NFKBIZ: variants seen among roughly 807,000 people sequenced by gnomAD.
NFKBIZ encodes NFKB inhibitor zeta.
In NFKBIZ, 19 loss-of-function variants were observed where a neutral mutation model predicts 76.8. That is an observed-to-expected ratio of 0.25 (90% CI 0.17 to 0.36). The LOEUF (loss-of-function observed/expected upper bound fraction) is 0.36. NFKBIZ is among the 10% of genes least tolerant of loss of function. The pLI, the probability that NFKBIZ is intolerant of heterozygous loss-of-function variation, is 1.00. For missense variants in NFKBIZ, 829 were observed against 910.9 expected (o/e 0.91, Z 1.16); for synonymous variants, 368 against 354.8 (o/e 1.04, Z -0.42).
At chr3:101,859,145 T>TACTA in intron 11 of NFKBIZ, among the ~76,000 whole-genome samples, 173 bp from the exon 12 acceptor site, 1 of 152,346 alleles carries the variant, frequency 6.6e-6, no homozygotes, top group East Asian at 1.9e-4. Context: ...AGGAGTTTAG[T>TACTA]ATTTTTAAAA....
chr3:101,849,317 G>A (rs1463266098), upstream of NFKBIZ: 1 of 253,674 alleles, frequency 3.9e-6, no homozygotes, highest in African/African-American at 2.2e-5. Context: ...GGTCGGTCTG[G>A]GCGGAGCCGG....
At position 101,854,624 on chromosome 3, in the gene NFKBIZ, G is replaced by A; in HGVS notation, c.1384G>A (p.Val462Ile). Reference protein sequence around the residue: ...VAQGRRALSYVLARKMNALHM... With the variant: ...VAQGRRALSYILARKMNALHM... ...CCAAGGGAGAAGGGCACTTTCCTAT[G>A]TTCTTGCAAGAAAGATGAATGCACT... Residue 462 changes from valine to isoleucine, a missense_variant, in exon 6 of 12, where the codon GTT becomes ATT. Physicochemically the swap from Val to Ile is conservative, Grantham distance 29 (BLOSUM62 3). This residue lies in a region of NFKBIZ where 272 missense variants were observed against 384.2 expected (regional missense o/e 0.71). Coordinates refer to ENST00000326172, the MANE Select transcript of NFKBIZ (RefSeq NM_031419.4). 1 of 1,613,124 alleles carries A rather than the reference G, an allele frequency of 6.2e-7. No individual in the cohort carries two copies. The highest frequency in any genetic ancestry group is 8.5e-7 in the Non-Finnish European group (1 of 1,179,806).
Position 101,849,931 on chromosome 3 carries a change from C to G in NFKBIZ, c.289+14C>G, listed in dbSNP as rs1192062882. The G allele has an allele frequency of 8.7e-6, 12 of 1,382,928 alleles. No homozygotes were observed. Among genetic ancestry groups the G allele is most frequent in the Non-Finnish European group, 1.1e-5 (12 of 1,076,504 alleles). The allele number at this position is 1,382,928 out of a possible 1,614,324, so 85.7% of individuals were successfully genotyped here. ...AGCGCCAGCCAGGTACCCGCCGGCC[C>G]CGCACCGCTGCGTACTCGGGGCGCG... On this transcript the variant is annotated intron_variant, in intron 1 of 11. Transcript: ENST00000326172.
upstream of NFKBIZ, among the ~76,000 whole-genome samples, chr3:101,847,142 C>T (rs1942863302): frequency 2.0e-5 from 3 of 152,258 alleles, no homozygotes; most frequent in South Asian, 6.2e-4. Context: ...GATTCAAATG[C>T]AAATATCTGC....
At chr3:101,850,011 C>T in intron 1 of NFKBIZ, 94 bp downstream of exon 1, 1 of 1,178,482 alleles carries the variant, frequency 8.5e-7, no homozygotes, top group South Asian at 2.3e-5. Context: ...CCCCTGCGCC[C>T]TCCTTAGAGC....
chr3:101,842,583 T>C (rs1411226137), intron 2 of NFKBIZ, among the ~76,000 whole-genome samples: 3 of 150,504 alleles, frequency 2.0e-5, no homozygotes, highest in Non-Finnish European at 4.5e-5. Flanking sequence ...TTTCATTTTC[T>C]TTTCTTTTCT....
At chr3:101,839,456 G>A (rs1016942644) in intron 2 of NFKBIZ, among the ~76,000 whole-genome samples, 4 of 152,088 alleles carry the variant, frequency 2.6e-5, no homozygotes, top group African/African-American at 9.7e-5. Context: ...TAATCAACAT[G>A]TTTATGAAGC....
intron 11 of NFKBIZ, chr3:101,857,923 T>C (rs1221033403): frequency 2.3e-6 from 2 of 863,978 alleles, no homozygotes; most frequent in African/African-American, 3.6e-5. Context: ...TTTCTGTCTA[T>C]GAAGTGATAC....
At chr3:101,855,572 A>T in intron 8 of NFKBIZ, 114 bp downstream of exon 8, 2 of 1,272,322 alleles carry the variant, frequency 1.6e-6, no homozygotes, top group South Asian at 2.6e-5. Context: ...TCTGTAGGTA[A>T]AATTAGACCC....
chr3:101,833,359 T>A (rs564411873), intron 2 of NFKBIZ, among the ~76,000 whole-genome samples: 1 of 152,296 alleles, frequency 6.6e-6, no homozygotes, highest in East Asian at 1.9e-4. Flanking sequence ...CTCCTCCCCT[T>A]CCACACCCAT....
intron 6 of NFKBIZ, 144 bp downstream of exon 6, chr3:101,854,827 C>T: frequency 1.3e-6 from 1 of 751,822 alleles, no homozygotes; most frequent in Non-Finnish European, 2.1e-6. Flanking sequence ...CTTTTTGCTA[C>T]CATCAACCTT....
rs368288845 is a variant in NFKBIZ, at chr3:101,853,435, C to A, written c.909C>A (p.Thr303=). ...NQHVEQQPHY[T]HKPTLEYSPF... The stretch of plus-strand genomic sequence containing the variant: ...ATGTAGAGCAGCAGCCACACTACAC[C>A]CACAAACCAACTCTGGAATACAGTC... The change falls in exon 5 of 12, where the codon ACC becomes ACA. Residue 303 remains threonine, a synonymous_variant. Transcript: ENST00000326172. The A allele has an allele frequency of 6.2e-7, 1 of 1,613,998 alleles. No individual in the cohort carries two copies. The highest frequency in any genetic ancestry group is 1.3e-5 in the African/African-American group (1 of 74,892).
chr3:101,839,755 G>A (rs189032682), intron 2 of NFKBIZ, among the ~76,000 whole-genome samples: 476 of 152,058 alleles, frequency 3.1e-3, no homozygotes, highest in Non-Finnish European at 4.5e-3. Flanking sequence ...AGTTCTTTGG[G>A]GTTAATTGCC....
chr3:101,853,287 G>A lies in NFKBIZ; in HGVS notation c.761G>A (p.Cys254Tyr). The A allele has an allele frequency of 6.2e-7, 1 of 1,614,178 alleles. No individual in the cohort carries two copies. Among genetic ancestry groups the A allele is most frequent in the African/African-American group, 1.3e-5 (1 of 75,038 alleles). ...VVPQSSPAEQ[C>Y]QDFHGGQVFS... ...CCTCAGAGCTCCCCCGCAGAGCAGT[G>A]TCAGGACTTCCATGGAGGGCAGGTC... The change falls in exon 5 of 12, where the codon TGT becomes TAT. Residue 254 changes from cysteine to tyrosine, a missense_variant. This residue lies in a region of NFKBIZ where 371 missense variants were observed against 332.3 expected (regional missense o/e 1.12). Coordinates refer to ENST00000326172, the MANE Select transcript of NFKBIZ (RefSeq NM_031419.4).
At chr3:101,830,410 T>A (rs1242311942) in intron 2 of NFKBIZ, among the ~76,000 whole-genome samples, 1 of 152,208 alleles carries the variant, frequency 6.6e-6, no homozygotes, top group Non-Finnish European at 1.5e-5. Context: ...TGTTGAGGTT[T>A]GGGGTACAAC....
chr3:101,852,650 A>C (rs1942984675), intron 2 of NFKBIZ, 88 bp from the exon 3 acceptor site: 1 of 838,734 alleles, frequency 1.2e-6, no homozygotes, highest in Admixed American at 2.4e-5. Flanking sequence ...GTAAGCTATA[A>C]AGGGTGGTAG....
intron 2 of NFKBIZ, among the ~76,000 whole-genome samples, chr3:101,843,881 C>G (rs1188161437): frequency 6.6e-6 from 1 of 152,170 alleles, no homozygotes; most frequent in African/African-American, 2.4e-5. Context: ...CTGGGCTCAT[C>G]AAAAAAGTCT....
At position 101,852,643 on chromosome 3, in the gene NFKBIZ, A is replaced by C. The variant is rs138676971; in HGVS notation, c.430-95A>C. The C allele has an allele frequency of 1.7e-3, 1,331 of 774,100 alleles. 18 individuals are homozygous for C. The African/African-American group carries it at 0.021, about 12-fold the overall frequency. The allele number at this position is 774,100 out of a possible 1,614,324, so 48.0% of individuals were successfully genotyped here. On this transcript the variant is annotated intron_variant, in intron 2 of 11. Transcript: ENST00000326172. ...AAAACCATATCAGAGATTTATGGTA[A>C]GCTATAAAGGGTGGTAGAGATAAGC... is the stretch of plus-strand genomic sequence containing the variant.
At chr3:101,856,054 A>ATTTT in intron 9 of NFKBIZ, 152 bp downstream of exon 9, 3 of 477,854 alleles carry the variant, frequency 6.3e-6, no homozygotes, top group Non-Finnish European at 6.8e-6. Flanking sequence ...GAAGCCCAGA[A>ATTTT]TTTTTTTTTT....
Sources: allele counts gnomAD v4.1 joint callset (sites outside exome capture counted in the v4.1 genomes callset), GRCh38; gene constraint gnomAD v4.1.1; regional missense constraint gnomAD v4.1.1; transcripts MANE v1.5; gene names NCBI Gene and HGNC (gene_info 2026-07-23, HGNC 2026-07-21).